The following CUBN variants were observed in gnomAD, a reference collection of about 807,000 sequenced individuals.
The protein encoded by CUBN is 460 kDa receptor.
A neutral mutation model predicts 405.3 loss-of-function variants in CUBN; 282 were observed. That is an observed-to-expected ratio of 0.70 (90% CI 0.63 to 0.77). The LOEUF (loss-of-function observed/expected upper bound fraction) is 0.77. Ranked by LOEUF, CUBN falls within the 30% of genes least tolerant of loss-of-function variation. The pLI, the probability that CUBN is intolerant of heterozygous loss-of-function variation, is 0.00. For synonymous variants in CUBN, 1,684 were observed against 1,617.0 expected (o/e 1.04, Z -0.99); for missense variants, 4,514 against 4,475.2 (o/e 1.01, Z -0.25).
chr10:16,901,852 CA>C (rs966831688), intron 51 of CUBN, among the ~76,000 whole-genome samples: 3 of 128,770 alleles, frequency 2.3e-5, no homozygotes, highest in Non-Finnish European at 5.0e-5. Flanking sequence ...GACTCTATCT[CA>C]AAAAAAAACC....
At position 16,940,124 on chromosome 10, in the gene CUBN, T is replaced by C; in HGVS notation, c.5456A>G (p.Asn1819Ser). 6.2e-7 allele frequency: 1 copy of C among 1,614,090 alleles called. No individual in the cohort carries two copies. The highest frequency in any genetic ancestry group is 8.5e-7 in the Non-Finnish European group (1 of 1,179,986). Residue 1819 changes from asparagine (N) to serine (S), a missense_variant, in exon 37 of 67, where the codon AAT (asparagine) becomes AGT (serine). Physicochemically the swap from Asn to Ser is conservative, Grantham distance 46. This residue lies in a region of CUBN where 1,613 missense variants were observed against 1,542.8 expected (regional missense o/e 1.05). Transcript: ENST00000377833. ...GGTATGTCCAACGATGGAAGAATAA[T>C]TGAGAGGGAAGGAGTTTCCACAGTA... ...GRYCGNSFPL[N>S]YSSIVGHTLW...
At chr10:17,099,284 C>A (rs1054310452) in intron 14 of CUBN, among the ~76,000 whole-genome samples, 4 of 151,898 alleles carry the variant, frequency 2.6e-5, no homozygotes, top group African/African-American at 9.7e-5. Context: ...ATAGTAAAAA[C>A]TTAAAAGAAA....
At chr10:17,118,092 C>T (rs1564522277) in intron 6 of CUBN, among the ~76,000 whole-genome samples, 2 of 152,166 alleles carry the variant, frequency 1.3e-5, no homozygotes, top group Non-Finnish European at 2.9e-5. Flanking sequence ...TTCCTTCATC[C>T]TTGCTATTAT....
chr10:16,831,971 A>G (rs1421286982), intron 64 of CUBN, among the ~76,000 whole-genome samples: 5 of 152,262 alleles, frequency 3.3e-5, no homozygotes, highest in African/African-American at 7.2e-5. Context: ...GGCAAAGGAC[A>G]GAATTATAAA....
intron 64 of CUBN, among the ~76,000 whole-genome samples, chr10:16,833,625 T>C (rs544776914): frequency 1.3e-5 from 2 of 152,002 alleles, no homozygotes; most frequent in Non-Finnish European, 2.9e-5. Context: ...TGAGGGGGGT[T>C]GCAGGGCAGA....
chr10:16,916,067 C>T lies in CUBN; in HGVS notation c.7001-37G>A, dbSNP rs376432497. The T allele has an allele frequency of 3.0e-5, 48 of 1,584,076 alleles. No homozygotes were observed. In the Middle Eastern group the frequency reaches 6.7e-4, roughly 22 times the overall value. ...AAAAATAAATAAATAAATAAGAAAG[C>T]AAGCAAGCAAGAAAGATTGATTCTA... On this transcript the variant is annotated intron_variant, in intron 45 of 66. Coordinates refer to ENST00000377833, the MANE Select transcript of CUBN (RefSeq NM_001081.4).
intron 3 of CUBN, among the ~76,000 whole-genome samples, chr10:17,127,048 C>T (rs1029922218): frequency 3.3e-5 from 5 of 151,998 alleles, no homozygotes; most frequent in South Asian, 4.2e-4. Flanking sequence ...ATAAGTTGAC[C>T]GATTGCTTCT....
intron 27 of CUBN, among the ~76,000 whole-genome samples, chr10:17,038,610 C>T (rs915584827): frequency 6.6e-6 from 1 of 152,092 alleles, no homozygotes; most frequent in Non-Finnish European, 1.5e-5. Flanking sequence ...TAACAGGCAT[C>T]CAGTTGGGAT....
intron 54 of CUBN, among the ~76,000 whole-genome samples, chr10:16,898,650 G>A (rs1841265846): frequency 6.6e-6 from 1 of 152,072 alleles, no homozygotes; most frequent in African/African-American, 2.4e-5. Context: ...ATTTTTACAT[G>A]GCTTTCTCAC....
At chr10:16,900,916 T>C in intron 52 of CUBN, 66 bp from the exon 53 acceptor site, 1 of 1,055,432 alleles carries the variant, frequency 9.5e-7, no homozygotes. Flanking sequence ...ATAAGGCCCT[T>C]ACAAATCGTT....
intron 54 of CUBN, among the ~76,000 whole-genome samples, chr10:16,895,104 C>A (rs935698636): frequency 7.9e-5 from 12 of 152,196 alleles, no homozygotes; most frequent in African/African-American, 2.7e-4. Flanking sequence ...GCTGCTCCAA[C>A]AATTGGCAGC....
chr10:17,037,873 C>T (rs894637371), intron 27 of CUBN, among the ~76,000 whole-genome samples: 3 of 152,024 alleles, frequency 2.0e-5, no homozygotes, highest in Non-Finnish European at 4.4e-5. Context: ...TCACATTGAT[C>T]TCCAAGGGAC....
In CUBN at chr10:16,940,033, C is replaced by T; in HGVS notation, c.5547G>A (p.Lys1849=). The change falls in exon 37 of 67, where the codon AAG becomes AAA. Residue 1849 remains lysine, a splice_region_variant and synonymous_variant. Transcript: ENST00000377833. ...SGTGFQATFM[K]IFGNDNIVGT... ...ATCACTAAAATAGAAACAACTTACT[C>T]TTCATAAATGTGGCCTGGAAGCCCG... is the stretch of plus-strand genomic sequence containing the variant. The T allele has an allele frequency of 1.2e-6, 2 of 1,612,968 alleles. No individual in the cohort carries two copies. Among genetic ancestry groups the T allele is most frequent in the South Asian group, 2.2e-5 (2 of 91,062 alleles).
In CUBN at chr10:17,085,551, T is replaced by C. The variant is rs768924300; in HGVS notation, c.2110+46A>G. 8 of 1,546,444 alleles carry C rather than the reference T, an allele frequency of 5.2e-6. No individual in the cohort carries two copies. The South Asian group carries it at 6.7e-5, about 13-fold the overall frequency. On this transcript the variant is annotated intron_variant, in intron 16 of 66. Coordinates refer to ENST00000377833, the MANE Select transcript of CUBN (RefSeq NM_001081.4). ...ATATAAAACAGATGTAAGCATAGCA[T>C]TGGCCTTCAAATCCCTCTTAAGCCC...
chr10:17,034,082 G>C (rs746558074), intron 27 of CUBN, among the ~76,000 whole-genome samples: 54 of 152,138 alleles, frequency 3.5e-4, no homozygotes, highest in Admixed American at 1.0e-3. Context: ...GCAAGGATTT[G>C]GCAAGAGATG....
chr10:16,902,006 TAC>T (rs1329949954), intron 51 of CUBN, among the ~76,000 whole-genome samples: 2 of 112,954 alleles, frequency 1.8e-5, no homozygotes, highest in Non-Finnish European at 3.5e-5. Context: ...AGTATATATA[TAC>T]ACACACACCA....
intron 11 of CUBN, among the ~76,000 whole-genome samples, chr10:17,104,938 A>G (rs1370204359): frequency 2.7e-5 from 4 of 150,930 alleles, no homozygotes; most frequent in Non-Finnish European, 5.9e-5. Context: ...CCTCCTGAGT[A>G]GCTGGGATTA....
chr10:16,888,362 A>AG, intron 56 of CUBN, 55 bp downstream of exon 56: 2 of 1,387,824 alleles, frequency 1.4e-6, no homozygotes, highest in Non-Finnish European at 1.0e-6. Context: ...TACACCATAA[A>AG]TATACAATTT....
rs537922777 is a variant in CUBN, at chr10:17,081,915, T to A, written c.2301+2356A>T. 2.6e-5 allele frequency among the ~76,000 whole-genome samples: 4 copies of A among 152,286 alleles called. No individual in the cohort carries two copies. The South Asian group carries it at 8.3e-4, about 32-fold the overall frequency. On this transcript the variant is annotated intron_variant, in intron 17 of 66. Coordinates refer to ENST00000377833, the MANE Select transcript of CUBN (RefSeq NM_001081.4). ...GTCAAAGATATAATATAAAAATCTA[T>A]CTATTAATATTTAAATCACCGTACA...
Sources: allele counts gnomAD v4.1 joint callset (sites outside exome capture counted in the v4.1 genomes callset), GRCh38; gene constraint gnomAD v4.1.1; regional missense constraint gnomAD v4.1.1; transcripts MANE v1.5; gene names NCBI Gene and HGNC (gene_info 2026-07-23, HGNC 2026-07-21).